The following QKI variants were observed in gnomAD, a reference collection of about 807,000 sequenced individuals.
QKI encodes the protein QKI, KH domain containing RNA binding.
In QKI, 10 loss-of-function variants were observed where a neutral mutation model predicts 39.0. The observed-to-expected ratio is 0.26, with a 90% CI of 0.16 to 0.43. QKI has a LOEUF of 0.43. QKI is among the 20% of genes least tolerant of loss of function. The pLI is 1.00. For synonymous variants in QKI, 204 were observed against 155.4 expected (o/e 1.31, Z -2.33); for missense variants, 218 against 428.0 (o/e 0.51, Z 4.33).
intron 3 of QKI, among the ~76,000 whole-genome samples, chr6:163,488,224 T>C (rs924239760): frequency 3.3e-5 from 5 of 152,190 alleles, no homozygotes. Context: ...ATAGTAACTT[T>C]GCCGTCTAGT....
chr6:163,561,761 T>C (rs1783030114), intron 4 of QKI, among the ~76,000 whole-genome samples: 1 of 152,178 alleles, frequency 6.6e-6, no homozygotes, highest in Non-Finnish European at 1.5e-5. Flanking sequence ...GACAAAAAAT[T>C]TACAAATACA....
chr6:163,487,132 C>T (rs1270663504), intron 3 of QKI, among the ~76,000 whole-genome samples: 3 of 151,796 alleles, frequency 2.0e-5, no homozygotes, highest in Non-Finnish European at 4.4e-5. Context: ...CCTGTTTTAT[C>T]GATCTTGTTG....
At chr6:163,466,959 T>C (rs965291392) in intron 2 of QKI, among the ~76,000 whole-genome samples, 9 of 151,206 alleles carry the variant, frequency 6.0e-5, no homozygotes, top group African/African-American at 2.2e-4. Flanking sequence ...GGAGGAAATA[T>C]CTGCAAACCT....
intron 3 of QKI, among the ~76,000 whole-genome samples, chr6:163,481,337 T>C (rs1793062582): frequency 6.6e-6 from 1 of 152,052 alleles, no homozygotes; most frequent in African/African-American, 2.4e-5. Context: ...AATGCTACGA[T>C]GGGAATGGTG....
chr6:163,455,469 G>T, intron 2 of QKI, 48 bp downstream of exon 2: 2 of 1,515,968 alleles, frequency 1.3e-6, no homozygotes, highest in African/African-American at 2.8e-5. Flanking sequence ...CTTCACATAT[G>T]TTGGGAAGAG....
In QKI at chr6:163,553,951, A is replaced by G. The variant is rs189977892; in HGVS notation, c.547-8031A>G. Among the ~76,000 whole-genome samples the G allele has an allele frequency of 1.6e-3, 246 of 152,326 alleles. 4 individuals carry two copies. The highest frequency in any genetic ancestry group is 2.3e-3 in the Non-Finnish European group (156 of 68,028). On this transcript the variant is annotated intron_variant, in intron 4 of 7. Transcript: ENST00000361752. ...GTGTGGAAAGTTGTTGATTGGTTAC[A>G]CAGGTATTGAGAACTGAAAAAGGAG...
In QKI at chr6:163,419,832, T is replaced by C. The variant is rs1787845921; in HGVS notation, c.142+4497T>C. Among the ~76,000 whole-genome samples, 4 of 152,356 alleles carry C rather than the reference T, an allele frequency of 2.6e-5. No homozygotes were observed. The South Asian group carries it at 8.3e-4, about 32-fold the overall frequency. Reference sequence around the variant, plus strand: ...GCTAGTCACATTTACGAGTGTATTTTGGGATGAACACTTTTTCTTAAATGA... The same window carrying C: ...GCTAGTCACATTTACGAGTGTATTTCGGGATGAACACTTTTTCTTAAATGA... On this transcript the variant is annotated intron_variant, in intron 1 of 7. Coordinates refer to ENST00000361752, the MANE Select transcript of QKI (RefSeq NM_006775.3).
intron 1 of QKI, among the ~76,000 whole-genome samples, chr6:163,430,655 A>G (rs1788750427): frequency 6.6e-6 from 1 of 152,160 alleles, no homozygotes; most frequent in Admixed American, 6.5e-5. Context: ...ATTCTGGTCT[A>G]GATAGTATGG....
intron 3 of QKI, among the ~76,000 whole-genome samples, chr6:163,507,245 T>C (rs1779155668): frequency 6.6e-6 from 1 of 152,196 alleles, no homozygotes; most frequent in Non-Finnish European, 1.5e-5. Flanking sequence ...ATTATTGATA[T>C]TTCTATGGAA....
chr6:163,573,835 T>A lies in QKI; in HGVS notation c.*3125T>A, dbSNP rs1783830359. 1 of 152,196 alleles carries A rather than the reference T, an allele frequency of 6.6e-6. No individual in the cohort carries two copies. The highest frequency in any genetic ancestry group is 1.5e-5 in the Non-Finnish European group (1 of 68,038). 9.4% of individuals were successfully genotyped at this position (152,196 alleles called of 1,614,324 possible). On this transcript the variant is annotated 3_prime_UTR_variant, in exon 8 of 8. Transcript: ENST00000361752. The stretch of plus-strand genomic sequence containing the variant: ...TTGTCTGTTTATTAACCTTTATATG[T>A]TTAATTAAAATAAACAAATAAAGAC...
At chr6:163,494,363 A>G (rs1778263631) in intron 3 of QKI, among the ~76,000 whole-genome samples, 2 of 152,332 alleles carry the variant, frequency 1.3e-5, no homozygotes, top group Admixed American at 6.5e-5. Flanking sequence ...CAGGGATACT[A>G]AGGGACAACT....
At chr6:163,568,415 T>C (rs1783504087) in intron 7 of QKI, 1 of 985,070 alleles carries the variant, frequency 1.0e-6, no homozygotes, top group Non-Finnish European at 1.2e-6. Flanking sequence ...ACACATTCCA[T>C]GCATGGATCT....
At chr6:163,522,360 A>G (rs1780214927) in intron 3 of QKI, among the ~76,000 whole-genome samples, 1 of 152,114 alleles carries the variant, frequency 6.6e-6, no homozygotes, top group Admixed American at 6.5e-5. Context: ...TTATGTATTT[A>G]TTAAATAAAT....
In QKI at chr6:163,432,101, A is replaced by G. The variant is rs537536073; in HGVS notation, c.142+16766A>G. On this transcript the variant is annotated intron_variant, in intron 1 of 7. Transcript: ENST00000361752. ...TAATGTCATGACTGATAATTGTGTA[A>G]TGTGGCTACCTTCTGTTGTGAATAG... is the stretch of plus-strand genomic sequence containing the variant. Among the ~76,000 whole-genome samples, 3 of 152,174 alleles carry G rather than the reference A, an allele frequency of 2.0e-5. No individual in the cohort carries two copies. The East Asian group carries it at 5.8e-4, about 29-fold the overall frequency.
At chr6:163,461,156 T>C (rs181889881) in intron 2 of QKI, among the ~76,000 whole-genome samples, 38 of 152,354 alleles carry the variant, frequency 2.5e-4, no homozygotes, top group Admixed American at 1.8e-3. Context: ...TGTTTTGTTT[T>C]GAAGTTTCCT....
chr6:163,524,140 T>G (rs972095754), intron 3 of QKI, among the ~76,000 whole-genome samples: 1 of 152,250 alleles, frequency 6.6e-6, no homozygotes, highest in African/African-American at 2.4e-5. Flanking sequence ...CCGGTCGTCC[T>G]TTACGTATCA....
At chr6:163,546,987 C>T (rs1021096419) in intron 4 of QKI, among the ~76,000 whole-genome samples, 36 of 151,972 alleles carry the variant, frequency 2.4e-4, no homozygotes, top group Admixed American at 1.3e-4. Context: ...GAGTATTTAT[C>T]AAAGTATCTT....
At chr6:163,488,975 T>C (rs1346323406) in intron 3 of QKI, among the ~76,000 whole-genome samples, 1 of 130,286 alleles carries the variant, frequency 7.7e-6, no homozygotes, top group Non-Finnish European at 1.6e-5. Flanking sequence ...TTCCATTTCT[T>C]TTTTTTTTTT....
rs1055532404 is a variant in QKI, at chr6:163,572,047, A to C, written c.*1337A>C. 6.6e-6 allele frequency: 1 copy of C among 152,210 alleles called. No homozygotes were observed. The highest frequency in any genetic ancestry group is 1.5e-5 in the Non-Finnish European group (1 of 68,026). The allele number at this position is 152,210 out of a possible 1,614,324, so 9.4% of individuals were successfully genotyped here. A position where few individuals can be genotyped will look rare whatever the true frequency, so the allele number is the denominator to read the frequency against. On this transcript the variant is annotated 3_prime_UTR_variant, in exon 8 of 8. Coordinates refer to ENST00000361752, the MANE Select transcript of QKI (RefSeq NM_006775.3). ...ACGTTACCTTGATGCAAATTTGCCA[A>C]ATCTGATACTGTGAAAAGATTTGAT...
Sources: gnomAD v4.1 joint callset for allele counts (sites outside exome capture counted in the v4.1 genomes callset) on GRCh38, gnomAD v4.1.1 for gene constraint, MANE v1.5 for transcripts, NCBI Gene and HGNC (gene_info 2026-07-23, HGNC 2026-07-21) for gene names.